Variants in MTCL1 observed in about 807,000 individuals in gnomAD.
The protein encoded by MTCL1 is microtubule cross-linking factor 1.
In MTCL1, 79 loss-of-function variants were observed where a neutral mutation model predicts 141.4. The ratio of observed to expected loss-of-function variants is 0.56; its 90% CI spans 0.47 to 0.67. MTCL1 has a LOEUF of 0.67. MTCL1 is among the 30% of genes least tolerant of loss of function. The pLI is 0.00. For missense variants in MTCL1, 2,177 were observed against 2,113.9 expected, an observed-to-expected ratio of 1.03 and a Z score of -0.59; for synonymous variants, 914 against 875.8, an observed-to-expected ratio of 1.04 and a Z score of -0.77.
At chr18:8,747,749 C>T (rs1341508193) in intron 4 of MTCL1, among the ~76,000 whole-genome samples, 1 of 152,218 alleles carries the variant, frequency 6.6e-6, no homozygotes, top group African/African-American at 2.4e-5. Flanking sequence ...GCTGAGTAAG[C>T]CCTAAGGAAG....
chr18:8,766,681 G>C (rs995195495), intron 4 of MTCL1, among the ~76,000 whole-genome samples: 4 of 152,182 alleles, frequency 2.6e-5, no homozygotes, highest in African/African-American at 9.6e-5. Context: ...TGAAACCATG[G>C]CTGTTTTGTT....
intron 4 of MTCL1, among the ~76,000 whole-genome samples, chr18:8,749,730 G>A (rs1025722922): frequency 3.9e-5 from 6 of 152,238 alleles, no homozygotes; most frequent in African/African-American, 1.2e-4. Flanking sequence ...GGACCCCAGC[G>A]AACAGGGCTT....
At chr18:8,778,608 C>T (rs965072943) in intron 5 of MTCL1, among the ~76,000 whole-genome samples, 1 of 152,198 alleles carries the variant, frequency 6.6e-6, no homozygotes, top group South Asian at 2.1e-4. Flanking sequence ...TGAAGGATCC[C>T]CTGGGTTTCT....
intron 1 of MTCL1, among the ~76,000 whole-genome samples, chr18:8,708,767 A>G (rs1310198934): frequency 6.6e-6 from 1 of 152,218 alleles, no homozygotes; most frequent in African/African-American, 2.4e-5. Context: ...GAATGGTCAC[A>G]TAAATCCCAC....
At chr18:8,711,932 T>C (rs2096095185) in intron 1 of MTCL1, among the ~76,000 whole-genome samples, 1 of 152,156 alleles carries the variant, frequency 6.6e-6, no homozygotes, top group Non-Finnish European at 1.5e-5. Flanking sequence ...TTTGCTCGAG[T>C]GCTCGGAGAC....
chr18:8,786,364 C>T, intron 7 of MTCL1: 1 of 666,068 alleles, frequency 1.5e-6, no homozygotes, highest in East Asian at 2.9e-5. Flanking sequence ...CCGGGAGCAC[C>T]TGGAAGTAGG....
At chr18:8,748,285 A>G (rs657716) in intron 4 of MTCL1, among the ~76,000 whole-genome samples, 64,990 of 151,842 alleles carry the variant, frequency 0.43, 15,803 homozygotes, top group East Asian at 0.67. Context: ...AACACTAAAT[A>G]TATTCGTATA....
chr18:8,710,466 T>C (rs972160705), intron 1 of MTCL1, among the ~76,000 whole-genome samples: 1 of 91,488 alleles, frequency 1.1e-5, no homozygotes, highest in African/African-American at 2.8e-5. Flanking sequence ...TCTTTTTTTT[T>C]TTTTTTTTTT....
At chr18:8,831,777 G>A (rs939052515) in exon 17 of MTCL1, 38 of 1,549,302 alleles carry the variant, frequency 2.5e-5, no homozygotes, top group African/African-American at 1.6e-4. Context: ...GCGAGGAGCC[G>A]CCCGAGGAGC....
At chr18:8,737,591 C>T (rs1011970873) in intron 4 of MTCL1, among the ~76,000 whole-genome samples, 8 of 152,194 alleles carry the variant, frequency 5.3e-5, no homozygotes, top group Admixed American at 2.0e-4. Context: ...AGGTGACCAA[C>T]GCGAGGGCAG....
At chr18:8,757,896 G>A (rs1022408142) in intron 4 of MTCL1, among the ~76,000 whole-genome samples, 1 of 152,120 alleles carries the variant, frequency 6.6e-6, no homozygotes, top group Non-Finnish European at 1.5e-5. Flanking sequence ...GGATTTGGCT[G>A]GAAAAGGTTT....
At chr18:8,796,396 C>T (rs1281912510) in exon 9 of MTCL1, 1 of 1,614,188 alleles carries the variant, frequency 6.2e-7, no homozygotes, top group African/African-American at 1.3e-5. Flanking sequence ...ACGTCAAACT[C>T]AGGTGGCTGC....
intron 8 of MTCL1, among the ~76,000 whole-genome samples, chr18:8,793,784 C>G (rs1325392612): frequency 6.6e-6 from 1 of 152,212 alleles, no homozygotes; most frequent in Admixed American, 6.5e-5. Context: ...TGAAAGATAG[C>G]TATGTCTTTA....
At chr18:8,820,752 C>A (rs923792224) in intron 13 of MTCL1, among the ~76,000 whole-genome samples, 4 of 152,186 alleles carry the variant, frequency 2.6e-5, no homozygotes, top group African/African-American at 4.8e-5. Context: ...AAGGGGCATG[C>A]TCATTAAGGG....
chr18:8,808,828 G>A (rs2076387710), intron 11 of MTCL1, among the ~76,000 whole-genome samples: 2 of 152,208 alleles, frequency 1.3e-5, no homozygotes, highest in South Asian at 4.1e-4. Context: ...GCAGTGGGGG[G>A]ACCTAGACAA....
intron 1 of MTCL1, among the ~76,000 whole-genome samples, chr18:8,710,671 G>A (rs550131288): frequency 7.2e-4 from 108 of 150,864 alleles, no homozygotes; most frequent in Non-Finnish European, 1.2e-3. Context: ...TTTTACCAAA[G>A]TGAATTTTAA....
chr18:8,756,465 GTA>G (rs573335338), intron 4 of MTCL1, among the ~76,000 whole-genome samples: 4 of 138,188 alleles, frequency 2.9e-5, no homozygotes, highest in African/African-American at 1.2e-4. Flanking sequence ...GTATATATGT[GTA>G]TATGTGTGTA....
intron 12 of MTCL1, among the ~76,000 whole-genome samples, chr18:8,816,756 G>A (rs992344541): frequency 6.6e-6 from 1 of 152,150 alleles, no homozygotes; most frequent in Admixed American, 6.5e-5. Context: ...TCTGGGGAAG[G>A]TGACACTCTC....
At chr18:8,780,632 A>G (rs2096529618) in intron 5 of MTCL1, among the ~76,000 whole-genome samples, 3 of 152,214 alleles carry the variant, frequency 2.0e-5, no homozygotes, top group African/African-American at 4.8e-5. Context: ...TCTGGTCCCA[A>G]GCTTTTAAGT....
Sources: gnomAD v4.1 joint callset for allele counts (sites outside exome capture counted in the v4.1 genomes callset) on GRCh38, gnomAD v4.1.1 for gene constraint, MANE v1.5 for transcripts, NCBI Gene and HGNC (gene_info 2026-07-23, HGNC 2026-07-21) for gene names.